The following GLG1 variants were observed in gnomAD, a reference collection of about 807,000 sequenced individuals.
GLG1 encodes Golgi apparatus protein 1.
GLG1 carries 38 observed loss-of-function variants against 160.5 expected under a neutral mutation model. That is an observed-to-expected ratio of 0.24 (90% CI 0.18 to 0.31). The LOEUF is 0.31. GLG1 is among the 10% of genes least tolerant of loss of function. GLG1 has a pLI of 1.00. For missense variants in GLG1, 1,373 were observed against 1,505.2 expected, an observed-to-expected ratio of 0.91 and a Z score of 1.45; for synonymous variants, 644 against 543.4, an observed-to-expected ratio of 1.19 and a Z score of -2.57.
intron 12 of GLG1, among the ~76,000 whole-genome samples, chr16:74,476,003 G>C (rs1266489636): frequency 1.3e-5 from 2 of 152,076 alleles, no homozygotes; most frequent in Non-Finnish European, 2.9e-5. Flanking sequence ...GTAACATGGT[G>C]AAACCCTGTC....
intron 1 of GLG1, among the ~76,000 whole-genome samples, chr16:74,553,703 G>A (rs1055890138): frequency 5.9e-5 from 9 of 152,064 alleles, no homozygotes; most frequent in Non-Finnish European, 8.8e-5. Flanking sequence ...TCGATCTCCT[G>A]ACCTCGTGAT....
At chr16:74,551,220 T>C (rs2018189297) in intron 1 of GLG1, among the ~76,000 whole-genome samples, 1 of 152,194 alleles carries the variant, frequency 6.6e-6, no homozygotes, top group Admixed American at 6.5e-5. Flanking sequence ...ATAATAAAAA[T>C]AGTTTTTCAT....
At chr16:74,587,913 A>G (rs1958089353) in intron 1 of GLG1, among the ~76,000 whole-genome samples, 1 of 152,220 alleles carries the variant, frequency 6.6e-6, no homozygotes, top group African/African-American at 2.4e-5. Context: ...AAACATGAAC[A>G]TAATGGATAA....
intron 4 of GLG1, among the ~76,000 whole-genome samples, chr16:74,499,399 C>T (rs925110875): frequency 6.6e-6 from 1 of 152,174 alleles, no homozygotes; most frequent in African/African-American, 2.4e-5. Flanking sequence ...CACCACCACC[C>T]TCAGCTATGG....
intron 10 of GLG1, among the ~76,000 whole-genome samples, chr16:74,481,238 G>T (rs1044492039): frequency 6.6e-6 from 1 of 152,018 alleles, no homozygotes; most frequent in African/African-American, 2.4e-5. Context: ...TATCTTTTTG[G>T]TTACTTGAGT....
chr16:74,484,382 G>A (rs978370510), intron 9 of GLG1, among the ~76,000 whole-genome samples: 3 of 152,062 alleles, frequency 2.0e-5, no homozygotes, highest in Middle Eastern at 3.4e-3. Flanking sequence ...TGCCCAGGCT[G>A]GAATGCAATG....
intron 1 of GLG1, among the ~76,000 whole-genome samples, chr16:74,535,364 G>C (rs534403390): frequency 6.6e-6 from 1 of 152,258 alleles, no homozygotes; most frequent in Admixed American, 6.5e-5. Flanking sequence ...CTGGACACCA[G>C]TGCTTGCTTT....
chr16:74,546,507 A>C (rs1370464378), intron 1 of GLG1, among the ~76,000 whole-genome samples: 1 of 152,144 alleles, frequency 6.6e-6, no homozygotes, highest in African/African-American at 2.4e-5. Flanking sequence ...ACTTTAGTGT[A>C]GGCCATAAAC....
intron 18 of GLG1, among the ~76,000 whole-genome samples, chr16:74,466,357 C>T (rs565333279): frequency 6.6e-6 from 1 of 152,288 alleles, no homozygotes; most frequent in African/African-American, 2.4e-5. Flanking sequence ...CATAAAGTGT[C>T]ATGAAATGAA....
rs143607169 is a variant in GLG1 at position 74,455,591 on chromosome 16, C to T, written c.3372+1058G>A. On this transcript the variant is annotated intron_variant, in intron 25 of 25. Coordinates refer to ENST00000422840, the MANE Select transcript of GLG1 (RefSeq NM_001145667.2). Reference sequence around the variant, plus strand: ...GCCCTCCCTTGTACCTTCCTGCTGTCGACCTATGAAGACTTTCTCTGATTG... The same window carrying T: ...GCCCTCCCTTGTACCTTCCTGCTGTTGACCTATGAAGACTTTCTCTGATTG... Among the ~76,000 whole-genome samples the T allele has an allele frequency of 1.0e-3, 153 of 152,278 alleles. 1 individual carries two copies. Among genetic ancestry groups the T allele is most frequent in the African/African-American group, 3.2e-3 (134 of 41,560 alleles).
At chr16:74,535,716 T>C (rs1356525692) in intron 1 of GLG1, among the ~76,000 whole-genome samples, 2 of 152,218 alleles carry the variant, frequency 1.3e-5, no homozygotes, top group Non-Finnish European at 2.9e-5. Context: ...ACTGCAGGCA[T>C]GAGCCAGTAT....
At chr16:74,497,275 C>A (rs1210312047) in intron 4 of GLG1, among the ~76,000 whole-genome samples, 1 of 117,668 alleles carries the variant, frequency 8.5e-6, no homozygotes, top group African/African-American at 3.2e-5. Context: ...GGCGACAAGA[C>A]AGAAACTCTG....
intron 1 of GLG1, among the ~76,000 whole-genome samples, chr16:74,592,755 C>T (rs1407932191): frequency 2.0e-5 from 3 of 152,204 alleles, no homozygotes; most frequent in Non-Finnish European, 4.4e-5. Flanking sequence ...TCATCACAAG[C>T]TTCACATGAC....
At chr16:74,577,975 C>G (rs765479863) in intron 1 of GLG1, among the ~76,000 whole-genome samples, 25 of 152,082 alleles carry the variant, frequency 1.6e-4, no homozygotes, top group Admixed American at 7.2e-4. Flanking sequence ...GAGTTCAAGA[C>G]CAGCCTGGAC....
Position 74,491,071 on chromosome 16 carries a change from C to T in GLG1, c.1379G>A (p.Arg460Gln), listed in dbSNP as rs2015964657. 9 of 1,613,994 alleles carry T rather than the reference C, an allele frequency of 5.6e-6. No homozygotes were observed. Among genetic ancestry groups the T allele is most frequent in the Non-Finnish European group, 7.6e-6 (9 of 1,179,984 alleles). The change falls in exon 8 of 26, where the codon CGG (arginine) becomes CAG (glutamine). Residue 460 changes from arginine to glutamine, a missense_variant. Physicochemically the swap from Arg to Gln is conservative, Grantham distance 43. Transcript: ENST00000422840. ...HHCSGLHRKG[R>Q]TLHCLMKVVR... ...TACTTTCATCAGACAGTGTAGGGTC[C>T]GCCCTTTTCGATGTAATCCGGAACA...
intron 1 of GLG1, among the ~76,000 whole-genome samples, chr16:74,542,748 A>AGGAAGGAAGGAAGGAAGGAAGGAAGGAAG (rs2017922177): frequency 2.6e-4 from 6 of 23,304 alleles, no homozygotes; most frequent in Non-Finnish European, 4.2e-4. Context: ...GAAGGAAGGA[A>AGGAAGGAAGGAAGGAAGGAAGGAAGGAAG]GGAAGGAAGG....
At chr16:74,468,690 G>A in intron 17 of GLG1, 2 of 470,624 alleles carry the variant, frequency 4.2e-6, no homozygotes, top group Non-Finnish European at 7.8e-6. Context: ...CTGATCCAGT[G>A]ATTGGATCAC....
At chr16:74,599,949 G>A (rs117993166) in intron 1 of GLG1, among the ~76,000 whole-genome samples, 2,891 of 152,018 alleles carry the variant, frequency 0.019, 40 homozygotes, top group Non-Finnish European at 0.027. Flanking sequence ...CAGGAGAATC[G>A]CTTGAATACA....
chr16:74,567,077 G>A (rs2018673016), intron 1 of GLG1, among the ~76,000 whole-genome samples: 3 of 151,992 alleles, frequency 2.0e-5, no homozygotes, highest in Non-Finnish European at 4.4e-5. Context: ...CTTTCAGGCC[G>A]CTTAATGGGT....
Sources: gnomAD v4.1 joint callset for allele counts (sites outside exome capture counted in the v4.1 genomes callset) on GRCh38, gnomAD v4.1.1 for gene constraint, MANE v1.5 for transcripts, NCBI Gene and HGNC (gene_info 2026-07-23, HGNC 2026-07-21) for gene names.